CLSTN2: variants seen among roughly 807,000 people sequenced by gnomAD.
CLSTN2 encodes the protein calsyntenin 2, also known as calsyntenin-2.
In CLSTN2, 48 loss-of-function variants were observed where a neutral mutation model predicts 101.2. The ratio of observed to expected loss-of-function variants is 0.47; its 90% CI spans 0.38 to 0.60. CLSTN2 has a LOEUF of 0.60. Ranked by LOEUF, CLSTN2 falls within the 20% of genes least tolerant of loss-of-function variation. The probability of loss-of-function intolerance (pLI) is 0.00; values close to 1 mark genes in which losing one functional copy is unlikely to be tolerated. For missense variants in CLSTN2, 1,160 were observed against 1,238.2 expected (o/e 0.94, Z 0.95); for synonymous variants, 481 against 463.6 (o/e 1.04, Z -0.48).
At chr3:139,960,257 C>A (rs1230274220) in intron 1 of CLSTN2, among the ~76,000 whole-genome samples, 2 of 152,184 alleles carry the variant, frequency 1.3e-5, no homozygotes, top group African/African-American at 4.8e-5. Context: ...GTGAGGTGAG[C>A]CAGCTCAGCA....
rs1256976778 is a variant in CLSTN2, at chr3:140,575,076, G to A, written c.*8823G>A. 2.0e-5 allele frequency: 3 copies of A among 152,222 alleles called. No individual in the cohort carries two copies. Among genetic ancestry groups the A allele is most frequent in the Non-Finnish European group, 4.4e-5 (3 of 68,054 alleles). 9.4% of individuals were successfully genotyped at this position (152,222 alleles called of 1,614,324 possible). On this transcript the variant is annotated 3_prime_UTR_variant, in exon 17 of 17. Transcript: ENST00000458420. ...CTCCTCTACATGGCTGCAAGAGCAT[G>A]GCTGATGTGTGGGATTCAGAAGAGG...
At chr3:140,321,050 G>A (rs780610984) in intron 2 of CLSTN2, among the ~76,000 whole-genome samples, 6 of 152,174 alleles carry the variant, frequency 3.9e-5, no homozygotes, top group African/African-American at 1.2e-4. Flanking sequence ...CATCTTTCGC[G>A]GGGTATGGGC....
chr3:140,443,157 G>A (rs995372743), intron 5 of CLSTN2, among the ~76,000 whole-genome samples: 3 of 152,224 alleles, frequency 2.0e-5, no homozygotes, highest in East Asian at 3.9e-4. Flanking sequence ...CAATTTCCTA[G>A]AAATCCTGAT....
chr3:140,279,992 G>A lies in CLSTN2; in HGVS notation c.232+103919G>A, dbSNP rs560322412. On this transcript the variant is annotated intron_variant, in intron 2 of 16. Transcript: ENST00000458420. ...CGCTCCACTCTCTTGTCAGTCCCCA[G>A]CCAGTCCATTTCATCCCTTAGCTAG... Among the ~76,000 whole-genome samples the A allele has an allele frequency of 2.6e-5, 4 of 152,280 alleles. No homozygotes were observed. The East Asian group carries it at 7.7e-4, about 29-fold the overall frequency.
chr3:140,139,024 T>C (rs2009657152), intron 1 of CLSTN2, among the ~76,000 whole-genome samples: 1 of 152,246 alleles, frequency 6.6e-6, no homozygotes, highest in African/African-American at 2.4e-5. Flanking sequence ...TTCTGTCACC[T>C]GGACTTTGTT....
At chr3:140,215,504 G>T (rs937408355) in intron 2 of CLSTN2, among the ~76,000 whole-genome samples, 1 of 152,212 alleles carries the variant, frequency 6.6e-6, no homozygotes, top group Non-Finnish European at 1.5e-5. Flanking sequence ...CCATTGGATA[G>T]GGGGTTGGAA....
chr3:140,057,595 T>G (rs925182714), intron 1 of CLSTN2, among the ~76,000 whole-genome samples: 1 of 152,230 alleles, frequency 6.6e-6, no homozygotes, highest in Non-Finnish European at 1.5e-5. Context: ...TTACATTTTA[T>G]TTTAATTGCA....
At chr3:140,111,655 A>G (rs1388486224) in intron 1 of CLSTN2, among the ~76,000 whole-genome samples, 1 of 152,174 alleles carries the variant, frequency 6.6e-6, no homozygotes, top group Non-Finnish European at 1.5e-5. Flanking sequence ...AGCTTGCTTT[A>G]TACCTATACC....
chr3:140,228,211 C>A (rs1016785974), intron 2 of CLSTN2, among the ~76,000 whole-genome samples: 1 of 152,182 alleles, frequency 6.6e-6, no homozygotes, highest in African/African-American at 2.4e-5. Context: ...ATCTTGAATG[C>A]TTTGCTGCTT....
chr3:140,321,511 G>A (rs1168304213), intron 2 of CLSTN2, among the ~76,000 whole-genome samples: 1 of 152,102 alleles, frequency 6.6e-6, no homozygotes, highest in Non-Finnish European at 1.5e-5. Flanking sequence ...CAGGTCCCCT[G>A]CCCTAAGCTG....
intron 1 of CLSTN2, among the ~76,000 whole-genome samples, chr3:139,994,824 C>T (rs186999267): frequency 1.3e-5 from 2 of 152,206 alleles, no homozygotes; most frequent in East Asian, 1.9e-4. Context: ...GTAAAGGTGC[C>T]GTAAAAAATT....
intron 2 of CLSTN2, among the ~76,000 whole-genome samples, chr3:140,246,273 A>G (rs1172657108): frequency 6.6e-6 from 1 of 152,224 alleles, no homozygotes; most frequent in Non-Finnish European, 1.5e-5. Context: ...TTTGATCTGC[A>G]TGAAATGTTA....
chr3:139,993,598 C>T (rs1936152617), intron 1 of CLSTN2, among the ~76,000 whole-genome samples: 1 of 152,168 alleles, frequency 6.6e-6, no homozygotes. Context: ...TCACCCCCTG[C>T]ACTCCATGCC....
At chr3:140,397,540 G>A (rs2088196130) in intron 2 of CLSTN2, among the ~76,000 whole-genome samples, 1 of 152,172 alleles carries the variant, frequency 6.6e-6, no homozygotes. Context: ...TGGAGGCTGA[G>A]AAGTCCAAGA....
At chr3:140,133,185 C>G (rs2009548141) in intron 1 of CLSTN2, among the ~76,000 whole-genome samples, 1 of 152,010 alleles carries the variant, frequency 6.6e-6, no homozygotes, top group Non-Finnish European at 1.5e-5. Flanking sequence ...GGAGGGGTGC[C>G]AGGCTCCTTT....
chr3:140,474,273 C>T (rs1305786809), intron 8 of CLSTN2, among the ~76,000 whole-genome samples: 1 of 152,082 alleles, frequency 6.6e-6, no homozygotes, highest in Non-Finnish European at 1.5e-5. Flanking sequence ...CTTCTGTACA[C>T]CAGTGTATGA....
At chr3:139,995,469 T>C (rs1936186356) in intron 1 of CLSTN2, among the ~76,000 whole-genome samples, 2 of 152,200 alleles carry the variant, frequency 1.3e-5, no homozygotes, top group Non-Finnish European at 2.9e-5. Flanking sequence ...TCATCCTTCT[T>C]CATTAGCAGT....
At chr3:139,937,873 G>T (rs1326200298) in intron 1 of CLSTN2, among the ~76,000 whole-genome samples, 1 of 151,970 alleles carries the variant, frequency 6.6e-6, no homozygotes, top group African/African-American at 2.4e-5. Context: ...TCCAACCACT[G>T]GGGGGCTGCA....
At chr3:140,511,626 T>C (rs1046183990) in intron 8 of CLSTN2, among the ~76,000 whole-genome samples, 3 of 143,436 alleles carry the variant, frequency 2.1e-5, no homozygotes, top group African/African-American at 7.8e-5. Context: ...CTCAGCTCAC[T>C]GCAAGCTCTG....
Sources: allele counts gnomAD v4.1 joint callset (sites outside exome capture counted in the v4.1 genomes callset), GRCh38; gene constraint gnomAD v4.1.1; transcripts MANE v1.5; gene names NCBI Gene and HGNC (gene_info 2026-07-23, HGNC 2026-07-21).